Variants in USH2A observed in about 807,000 individuals in gnomAD.
USH2A encodes the protein Usher syndrome 2A (autosomal recessive, mild).
USH2A carries 443 observed loss-of-function variants against 538.9 expected under a neutral mutation model. The observed-to-expected ratio is 0.82, with a 90% CI of 0.76 to 0.89. The LOEUF (loss-of-function observed/expected upper bound fraction) is 0.89. Ranked by LOEUF, USH2A falls within the 40% of genes least tolerant of loss-of-function variation. The pLI is 0.00. For synonymous variants in USH2A, 2,413 were observed against 2,273.5 expected (o/e 1.06, Z -1.75); for missense variants, 6,633 against 6,324.8 (o/e 1.05, Z -1.65).
At chr1:215,955,315 C>A (rs1244575158) in intron 37 of USH2A, among the ~76,000 whole-genome samples, 1 of 151,956 alleles carries the variant, frequency 6.6e-6, no homozygotes, top group Non-Finnish European at 1.5e-5. Flanking sequence ...AATAAATATC[C>A]CAGAAACAGG....
intron 32 of USH2A, among the ~76,000 whole-genome samples, chr1:216,036,803 TG>T (rs199967850): frequency 0.014 from 2,061 of 152,220 alleles, 46 homozygotes; most frequent in African/African-American, 0.047. Flanking sequence ...AGCAATTGCC[TG>T]TAGATCAGAG....
rs143005938 is a variant in USH2A at position 215,824,045 on chromosome 1, T to C, written c.9372-6850A>G. On this transcript the variant is annotated intron_variant, in intron 47 of 71. Transcript: ENST00000307340. ...GGGTCACTCACTGTTTCCTTGCTTTTGTCAGCTTGAGAAGATCCTACTTCC... is the reference window on the plus strand; with the variant it reads ...GGGTCACTCACTGTTTCCTTGCTTTCGTCAGCTTGAGAAGATCCTACTTCC... Among the ~76,000 whole-genome samples the C allele has an allele frequency of 3.6e-3, 546 of 152,206 alleles. 3 individuals are homozygous for C. The highest frequency in any genetic ancestry group is 6.8e-3 in the Middle Eastern group (2 of 294).
chr1:215,660,272 G>A (rs1053923981), intron 64 of USH2A, among the ~76,000 whole-genome samples: 1 of 152,152 alleles, frequency 6.6e-6, no homozygotes, highest in African/African-American at 2.4e-5. Flanking sequence ...GGTTGTTTGA[G>A]ATTAAATTAG....
intron 35 of USH2A, among the ~76,000 whole-genome samples, chr1:215,989,117 TA>T (rs1323060767): frequency 1.3e-5 from 2 of 152,236 alleles, no homozygotes; most frequent in Non-Finnish European, 2.9e-5. Flanking sequence ...TAGGCAAGCA[TA>T]AAAATATACC....
In USH2A at chr1:216,199,702, G is replaced by C. The variant is rs1335198504; in HGVS notation, c.3736C>G (p.Leu1246Val). The C allele has an allele frequency of 6.2e-7, 1 of 1,614,000 alleles. No individual in the cohort carries two copies. Among genetic ancestry groups the C allele is most frequent in the African/African-American group, 1.3e-5 (1 of 74,928 alleles). Residue 1246 changes from leucine to valine, a missense_variant, in exon 17 of 72, where the codon CTA becomes GTA. Coordinates refer to ENST00000307340, the MANE Select transcript of USH2A (RefSeq NM_206933.4). The stretch of plus-strand genomic sequence containing the variant: ...ATTTTCTGCATCTTAGGTGGACTTA[G>C]TCTTTGGGGAGGGGCCTGGGCTGTG... ...VTTAQAPPQR[L>V]SPPKMQKISS...
chr1:216,223,296 G>C (rs1429206908), intron 14 of USH2A, among the ~76,000 whole-genome samples: 1 of 152,094 alleles, frequency 6.6e-6, no homozygotes, highest in Non-Finnish European at 1.5e-5. Context: ...TTGAATAAAT[G>C]CTACTAATAT....
At chr1:216,050,059 G>A (rs954144355) in intron 30 of USH2A, among the ~76,000 whole-genome samples, 8 of 152,108 alleles carry the variant, frequency 5.3e-5, no homozygotes, top group Non-Finnish European at 2.9e-5. Context: ...CTGCCCCTGC[G>A]ATTGTCATTT....
intron 21 of USH2A, among the ~76,000 whole-genome samples, chr1:216,117,829 CAGAT>C (rs2033044342): frequency 7.3e-6 from 1 of 137,436 alleles, no homozygotes; most frequent in Admixed American, 7.9e-5. Flanking sequence ...TATATATACA[CAGAT>C]ATATATATAC....
At chr1:216,110,335 T>TAAAAC (rs1571969054) in intron 21 of USH2A, among the ~76,000 whole-genome samples, 1 of 151,932 alleles carries the variant, frequency 6.6e-6, no homozygotes, top group East Asian at 1.9e-4. Context: ...ACCCTGTCTC[T>TAAAAC]AAAACAAAAG....
chr1:215,997,473 G>C (rs1329298311), intron 34 of USH2A, among the ~76,000 whole-genome samples: 1 of 152,146 alleles, frequency 6.6e-6, no homozygotes, highest in Non-Finnish European at 1.5e-5. Context: ...GTGAGGTTAA[G>C]TGAATTTGCC....
At chr1:215,821,789 C>A (rs1378913445) in intron 47 of USH2A, among the ~76,000 whole-genome samples, 1 of 151,666 alleles carries the variant, frequency 6.6e-6, no homozygotes, top group Non-Finnish European at 1.5e-5. Flanking sequence ...TTCTTGAATG[C>A]GGTAAGAGAT....
chr1:216,185,800 C>T (rs2034587537), intron 20 of USH2A, among the ~76,000 whole-genome samples: 1 of 151,850 alleles, frequency 6.6e-6, no homozygotes, highest in Non-Finnish European at 1.5e-5. Context: ...ACTTTCTATT[C>T]AGATGTTTTG....
chr1:215,893,660 TTTTTCATTAC>T (rs1665258968), intron 40 of USH2A, among the ~76,000 whole-genome samples: 1 of 152,150 alleles, frequency 6.6e-6, no homozygotes, highest in African/African-American at 2.4e-5. Context: ...AAAAACTTGA[TTTTTCATTAC>T]TTTCACCTGC....
At chr1:216,166,830 ATCAG>A (rs2034178069) in intron 21 of USH2A, among the ~76,000 whole-genome samples, 1 of 152,204 alleles carries the variant, frequency 6.6e-6, no homozygotes, top group East Asian at 1.9e-4. Context: ...TGGAGGGAGG[ATCAG>A]TCAATCATTC....
chr1:215,627,418 TTCCTTCC>T (rs1558027286), intron 71 of USH2A, among the ~76,000 whole-genome samples: 15 of 118,242 alleles, frequency 1.3e-4, no homozygotes, highest in African/African-American at 4.5e-4. Flanking sequence ...CCTTCCTTCC[TTCCTTCC>T]TTCCTTCCTT....
rs531664299 is a variant in USH2A, at chr1:215,724,615, C to G, written c.12066+3415G>C. 2.6e-5 allele frequency among the ~76,000 whole-genome samples: 4 copies of G among 152,126 alleles called. No homozygotes were observed. In the East Asian group the frequency reaches 5.8e-4, roughly 22 times the overall value. On this transcript the variant is annotated intron_variant, in intron 61 of 71. Coordinates refer to ENST00000307340, the MANE Select transcript of USH2A (RefSeq NM_206933.4). Reference sequence around the variant, plus strand: ...TTCACTTGGACCCATTAAGTTTATACAAAAATAAAAATGAAATGGGGTCTT... The same window carrying G: ...TTCACTTGGACCCATTAAGTTTATAGAAAAATAAAAATGAAATGGGGTCTT...
chr1:215,716,318 G>A (rs1420928497), intron 61 of USH2A, among the ~76,000 whole-genome samples: 1 of 152,150 alleles, frequency 6.6e-6, no homozygotes, highest in Non-Finnish European at 1.5e-5. Context: ...GACGGATTTG[G>A]GGTTGGCAGA....
At chr1:216,275,283 T>C (rs960796189) in intron 11 of USH2A, among the ~76,000 whole-genome samples, 1 of 152,196 alleles carries the variant, frequency 6.6e-6, no homozygotes, top group East Asian at 1.9e-4. Flanking sequence ...AACTATACAG[T>C]GTGGTCTTAT....
intron 9 of USH2A, among the ~76,000 whole-genome samples, chr1:216,321,424 T>C (rs2037608095): frequency 6.6e-6 from 1 of 152,196 alleles, no homozygotes; most frequent in Non-Finnish European, 1.5e-5. Flanking sequence ...TTAATTAAAA[T>C]GCCTGATATT....
Sources: gnomAD v4.1 joint callset for allele counts (sites outside exome capture counted in the v4.1 genomes callset) on GRCh38, gnomAD v4.1.1 for gene constraint, MANE v1.5 for transcripts, NCBI Gene and HGNC (gene_info 2026-07-23, HGNC 2026-07-21) for gene names.